Variants in COMMD1 observed in about 807,000 individuals in gnomAD.
COMMD1 encodes the protein copper metabolism domain containing 1.
Under a neutral mutation model 17.2 loss-of-function variants are expected in COMMD1, and 10 were observed. The observed-to-expected ratio is 0.58, with a 90% CI of 0.36 to 0.99. The LOEUF is 0.99. Ranked by LOEUF, COMMD1 falls within the 50% of genes least tolerant of loss-of-function variation. COMMD1 has a pLI of 0.01. For synonymous variants in COMMD1, 97 were observed against 91.6 expected, an observed-to-expected ratio of 1.06 and a Z score of -0.34; for missense variants, 270 against 231.8, an observed-to-expected ratio of 1.17 and a Z score of -1.07.
upstream of COMMD1, chr2:61,888,624 C>G: frequency 4.7e-6 from 6 of 1,281,524 alleles, no homozygotes; most frequent in Non-Finnish European, 6.3e-6. Flanking sequence ...CAGAAAGCGG[C>G]GCCGGCGTCG....
At chr2:61,972,500 G>A (rs1329984367) in intron 1 of COMMD1, among the ~76,000 whole-genome samples, 2 of 152,144 alleles carry the variant, frequency 1.3e-5, no homozygotes, top group African/African-American at 2.4e-5. Flanking sequence ...GGGGAAAAAA[G>A]CAATTTTACA....
At chr2:62,016,410 A>T (rs905297950) in intron 2 of COMMD1, among the ~76,000 whole-genome samples, 1 of 147,730 alleles carries the variant, frequency 6.8e-6, no homozygotes, top group Admixed American at 6.8e-5. Context: ...GGGTTTTGCC[A>T]TGTTGCCCAG....
chr2:61,951,196 GCTTATAT>G, intron 1 of COMMD1, among the ~76,000 whole-genome samples: 1 of 152,172 alleles, frequency 6.6e-6, no homozygotes, highest in East Asian at 1.9e-4. Flanking sequence ...GGGCACAGTG[GCTTATAT>G]CTGTAATCCC....
chr2:62,126,612 G>T (rs1036080822), intron 2 of COMMD1, among the ~76,000 whole-genome samples: 30 of 152,074 alleles, frequency 2.0e-4, no homozygotes, highest in Admixed American at 1.1e-3. Flanking sequence ...TTTTTAATGG[G>T]TTTTTTATTG....
At chr2:62,127,126 A>G (rs924065447) in intron 2 of COMMD1, among the ~76,000 whole-genome samples, 4 of 152,166 alleles carry the variant, frequency 2.6e-5, no homozygotes, top group African/African-American at 7.2e-5. Context: ...CCCATTCACA[A>G]TTGCTACAAA....
At chr2:61,998,634 G>A (rs1357414690) in intron 1 of COMMD1, among the ~76,000 whole-genome samples, 6 of 152,170 alleles carry the variant, frequency 3.9e-5, no homozygotes, top group East Asian at 1.9e-4. Flanking sequence ...TCTCCTTGGC[G>A]TTCACAACTT....
chr2:61,959,423 A>G (rs1671282388), intron 1 of COMMD1, among the ~76,000 whole-genome samples: 1 of 152,214 alleles, frequency 6.6e-6, no homozygotes, highest in Admixed American at 6.5e-5. Flanking sequence ...AACAGGAATA[A>G]AAGGGGAGGC....
chr2:61,905,648 C>G, upstream of COMMD1: 1 of 1,518,882 alleles, frequency 6.6e-7, no homozygotes, highest in Non-Finnish European at 8.9e-7. Flanking sequence ...GGGCACGGCT[C>G]AGCTGTTGCG....
intron 2 of COMMD1, among the ~76,000 whole-genome samples, chr2:62,024,780 T>C (rs1669708448): frequency 1.3e-5 from 2 of 152,224 alleles, no homozygotes; most frequent in African/African-American, 2.4e-5. Context: ...CCATCGGACC[T>C]GTAATTTCTT....
chr2:61,888,759 ACG>A (rs1322557123), exon 1 of COMMD1: 1 of 519,202 alleles, frequency 1.9e-6, no homozygotes, highest in Non-Finnish European at 3.4e-6. Context: ...GCGAGATTGT[ACG>A]CCCGGGGCGC....
intron 1 of COMMD1, among the ~76,000 whole-genome samples, chr2:61,980,827 G>T (rs540918914): frequency 6.6e-6 from 1 of 152,100 alleles, no homozygotes; most frequent in African/African-American, 2.4e-5. Context: ...CCTTGCCCAC[G>T]CCTATGGATA....
chr2:62,066,028 A>ATAT (rs918440792), intron 2 of COMMD1, among the ~76,000 whole-genome samples: 2 of 152,192 alleles, frequency 1.3e-5, no homozygotes, highest in African/African-American at 4.8e-5. Context: ...CCCTAGAGGT[A>ATAT]TATTAGAATT....
intron 1 of COMMD1, among the ~76,000 whole-genome samples, chr2:61,916,661 A>C (rs1245443359): frequency 1.2e-4 from 19 of 152,160 alleles, no homozygotes; most frequent in Admixed American, 1.1e-3. Context: ...TCCTGGGCTC[A>C]AGTGATCTAT....
At chr2:62,067,137 A>T (rs1671074904) in intron 2 of COMMD1, among the ~76,000 whole-genome samples, 1 of 151,998 alleles carries the variant, frequency 6.6e-6, no homozygotes, top group Non-Finnish European at 1.5e-5. Flanking sequence ...AGGCAGGAGA[A>T]TCGCTTGAAC....
At chr2:61,925,207 G>A (rs1475035429) in intron 1 of COMMD1, among the ~76,000 whole-genome samples, 1 of 152,042 alleles carries the variant, frequency 6.6e-6, no homozygotes, top group East Asian at 1.9e-4. Context: ...GAGAGAGAGA[G>A]TGAGAGTGAG....
At chr2:61,926,543 A>G (rs1288102458) in intron 1 of COMMD1, among the ~76,000 whole-genome samples, 2 of 152,182 alleles carry the variant, frequency 1.3e-5, no homozygotes, top group East Asian at 1.9e-4. Flanking sequence ...GGCATCATAC[A>G]GTTTTCCTTT....
chr2:61,996,171 CTGAG>C (rs1668749148), intron 1 of COMMD1, among the ~76,000 whole-genome samples: 2 of 152,116 alleles, frequency 1.3e-5, no homozygotes, highest in Admixed American at 6.6e-5. Context: ...GCACTCCAGC[CTGAG>C]TAACAGAGAC....
At chr2:61,968,749 G>A (rs1010174854) in intron 1 of COMMD1, among the ~76,000 whole-genome samples, 2 of 151,766 alleles carry the variant, frequency 1.3e-5, no homozygotes, top group African/African-American at 4.8e-5. Context: ...ATATAGTTGA[G>A]ATTTCTCCAT....
At chr2:62,026,025 T>C (rs1669745526) in intron 2 of COMMD1, among the ~76,000 whole-genome samples, 1 of 152,098 alleles carries the variant, frequency 6.6e-6, no homozygotes, top group African/African-American at 2.4e-5. Flanking sequence ...TACTTTGCAC[T>C]TAGGGAAACG....
Sources: allele counts gnomAD v4.1 joint callset (sites outside exome capture counted in the v4.1 genomes callset), GRCh38; gene constraint gnomAD v4.1.1; transcripts MANE v1.5; gene names NCBI Gene and HGNC (gene_info 2026-07-23, HGNC 2026-07-21).